MED15: variants seen among roughly 807,000 people sequenced by gnomAD.
MED15 encodes mediator of RNA polymerase II transcription subunit 15.
A neutral mutation model predicts 118.7 loss-of-function variants in MED15; 41 were observed. That is an observed-to-expected ratio of 0.35 (90% confidence interval 0.27 to 0.45). The LOEUF (loss-of-function observed/expected upper bound fraction) is 0.45. Among genes scored for constraint, MED15 ranks in the 20% least tolerant of loss-of-function variants. The pLI is 1.00. For synonymous variants in MED15, 436 were observed against 413.9 expected (o/e 1.05, Z -0.65); for missense variants, 740 against 1,025.5 (o/e 0.72, Z 3.80).
chr22:20,527,252 T>C (rs1038415511), intron 1 of MED15, among the ~76,000 whole-genome samples: 1 of 152,170 alleles, frequency 6.6e-6, no homozygotes, highest in Non-Finnish European at 1.5e-5. Context: ...TCCTGTTTTC[T>C]ATCTCTTTTA....
At chr22:20,530,763 C>T (rs993678246) in intron 1 of MED15, among the ~76,000 whole-genome samples, 3 of 152,052 alleles carry the variant, frequency 2.0e-5, no homozygotes, top group Non-Finnish European at 4.4e-5. Flanking sequence ...GTCCTTCTTG[C>T]GGGCGGTGGA....
chr22:20,584,290 A>G lies in MED15; in HGVS notation c.1737-69A>G. ...CTGATGGCTGAGGCCCAGTGGCAGT[A>G]GTTGGGATCCTGAGCCTGAGAACTG... On this transcript the variant is annotated intron_variant, in intron 13 of 17. Coordinates refer to ENST00000263205, the MANE Select transcript of MED15 (RefSeq NM_001003891.3). 2.0e-6 allele frequency: 3 copies of G among 1,488,146 alleles called. No individual in the cohort carries two copies. The Admixed American group carries it at 5.0e-5, about 25-fold the overall frequency. The allele number at this position is 1,488,146 out of a possible 1,614,324, so 92.2% of individuals were successfully genotyped here.
In MED15 at chr22:20,586,715, A is replaced by G; in HGVS notation, c.*11A>G. Reference sequence around the variant, plus strand: ...CTCTCAGCCGCCTAGCCAAGACTGCAGGGATGGCCCGCAGCCTCATCGGGG... The same window carrying G: ...CTCTCAGCCGCCTAGCCAAGACTGCGGGGATGGCCCGCAGCCTCATCGGGG... On this transcript the variant is annotated 3_prime_UTR_variant, in exon 18 of 18. Transcript: ENST00000263205. 6.2e-7 allele frequency: 1 copy of G among 1,612,020 alleles called. No individual in the cohort carries two copies. The highest frequency in any genetic ancestry group is 2.2e-5 in the East Asian group (1 of 44,884).
In MED15 at chr22:20,584,754, G is replaced by A. The variant is rs547668502; in HGVS notation, c.1804-101G>A. ...GGGTGGAGGCTGTGAGAGAGGCCTCGGGAATCTGACTGTGAGTGACCATGG... is the reference window on the plus strand; with the variant it reads ...GGGTGGAGGCTGTGAGAGAGGCCTCAGGAATCTGACTGTGAGTGACCATGG... On this transcript the variant is annotated intron_variant, in intron 14 of 17. Transcript: ENST00000263205. The A allele has an allele frequency of 2.6e-4, 374 of 1,429,192 alleles. 4 individuals carry two copies. The South Asian group carries it at 4.0e-3, about 15-fold the overall frequency. 88.5% of individuals were successfully genotyped at this position (1,429,192 alleles called of 1,614,324 possible). A position where few individuals can be genotyped will look rare whatever the true frequency, so the allele number is the denominator to read the frequency against.
At chr22:20,583,416 G>C (rs765137001) in intron 13 of MED15, 23 bp downstream of exon 13, 1 of 1,611,228 alleles carries the variant, frequency 6.2e-7, no homozygotes, top group South Asian at 1.1e-5. Context: ...CACAGCCCAC[G>C]GAGGGTCCAC....
intron 5 of MED15, among the ~76,000 whole-genome samples, chr22:20,556,107 T>A (rs1283176208): frequency 6.6e-6 from 1 of 152,210 alleles, no homozygotes; most frequent in Non-Finnish European, 1.5e-5. Context: ...TTAGTGTTTT[T>A]TTCCCCTTTC....
At chr22:20,580,814 G>A (rs918425539) in intron 9 of MED15, among the ~76,000 whole-genome samples, 2 of 152,186 alleles carry the variant, frequency 1.3e-5, no homozygotes, top group Non-Finnish European at 2.9e-5. Context: ...AGAAATCTCT[G>A]TACTTGTTCA....
chr22:20,559,967 C>T (rs2146556383), intron 5 of MED15, among the ~76,000 whole-genome samples: 1 of 152,296 alleles, frequency 6.6e-6, no homozygotes, highest in South Asian at 2.1e-4. Context: ...CAGTGATTCT[C>T]ACCCAGGGTG....
At chr22:20,546,657 C>T (rs16988498) in intron 2 of MED15, among the ~76,000 whole-genome samples, 4,563 of 152,152 alleles carry the variant, frequency 0.03, 231 homozygotes, top group African/African-American at 0.1. Context: ...CAGATGGGTT[C>T]TCTTTGAGTG....
intron 7 of MED15, among the ~76,000 whole-genome samples, chr22:20,567,470 A>G (rs923928153): frequency 3.9e-5 from 6 of 151,984 alleles, no homozygotes; most frequent in Admixed American, 6.6e-5. Flanking sequence ...TTTGTGATTC[A>G]TGAGTGGAAT....
chr22:20,507,688 T>C lies in MED15; in HGVS notation c.10T>C (p.Ser4Pro). ...GAGCTGGGGAACAGGCATGGACGTT[T>C]CCGGGCAAGAGACCGACTGGCGGAG... MDV[S>P]GQETDWRSTA... Residue 4 changes from serine (S) to proline (P), a missense_variant, in exon 1 of 18, where the codon TCC (serine) becomes CCC (proline). Ser to Pro is a moderately conservative substitution (Grantham distance 74, BLOSUM62 -1). Coordinates refer to ENST00000263205, the MANE Select transcript of MED15 (RefSeq NM_001003891.3). 6.2e-7 allele frequency: 1 copy of C among 1,614,026 alleles called. No individual in the cohort carries two copies. The highest frequency in any genetic ancestry group is 8.5e-7 in the Non-Finnish European group (1 of 1,179,926).
rs372083074 is a variant in MED15 at position 20,560,337 on chromosome 22, C to T, written c.452-4113C>T. On this transcript the variant is annotated intron_variant, in intron 5 of 17. Transcript: ENST00000263205. ...TGGAGTGCAGTGGTGCAATGTCGGC[C>T]CACTGCAACCTCGACCTCCCAGGTT... Among the ~76,000 whole-genome samples, 54 of 152,052 alleles carry T rather than the reference C, an allele frequency of 3.6e-4. No individual in the cohort carries two copies. In the South Asian group the frequency reaches 3.7e-3, roughly 11 times the overall value.
At chr22:20,568,772 C>G in intron 8 of MED15, 141 bp downstream of exon 8, 2 of 1,368,990 alleles carry the variant, frequency 1.5e-6, no homozygotes, top group South Asian at 1.4e-5. Flanking sequence ...CCCCCTTGCA[C>G]TCTGCAAGAC....
intron 9 of MED15, among the ~76,000 whole-genome samples, chr22:20,575,916 A>G (rs1477055239): frequency 6.6e-6 from 1 of 152,220 alleles, no homozygotes; most frequent in Non-Finnish European, 1.5e-5. Context: ...AACGTGGCCA[A>G]TGTGGCCAAA....
chr22:20,564,307 C>T, intron 5 of MED15, 143 bp from the exon 6 acceptor site: 1 of 1,405,142 alleles, frequency 7.1e-7, no homozygotes, highest in Non-Finnish European at 9.7e-7. Context: ...ATCTTTCTGT[C>T]TGTGGTAAAT....
At chr22:20,538,455 G>T (rs554718512) in intron 2 of MED15, among the ~76,000 whole-genome samples, 14 of 151,932 alleles carry the variant, frequency 9.2e-5, no homozygotes, top group Non-Finnish European at 1.8e-4. Context: ...CCACTATGTT[G>T]CCCAGGCTAG....
At chr22:20,525,103 T>G (rs145075106) in intron 1 of MED15, among the ~76,000 whole-genome samples, 2 of 152,062 alleles carry the variant, frequency 1.3e-5, no homozygotes, top group African/African-American at 4.8e-5. Context: ...AGTTCAAGAC[T>G]AGCTTGGGCA....
At chr22:20,561,384 G>A (rs2056234879) in intron 5 of MED15, among the ~76,000 whole-genome samples, 1 of 152,128 alleles carries the variant, frequency 6.6e-6, no homozygotes, top group Non-Finnish European at 1.5e-5. Flanking sequence ...GCTGGGCATG[G>A]TGGCGCATGC....
Position 20,507,615 on chromosome 22 carries a change from T to A in MED15, c.-64T>A, listed in dbSNP as rs116476024. The A allele has an allele frequency of 6.7e-4, 1,083 of 1,605,284 alleles. 11 individuals carry two copies. In the African/African-American group the frequency reaches 0.013, roughly 19 times the overall value. ...CGGCTTCCGGGTTTGGGCCTGGCTC[T>A]GTGACTGAGGCGGCGGCGGTGGCGG... On this transcript the variant is annotated 5_prime_UTR_variant, in exon 1 of 18. Transcript: ENST00000263205.
Sources: allele counts gnomAD v4.1 joint callset (sites outside exome capture counted in the v4.1 genomes callset), GRCh38; gene constraint gnomAD v4.1.1; transcripts MANE v1.5; gene names NCBI Gene and HGNC (gene_info 2026-07-23, HGNC 2026-07-21).